Variants in FMNL2 observed in about 807,000 individuals in gnomAD.
FMNL2 encodes the protein formin-like protein 2.
In FMNL2, 51 loss-of-function variants were observed where a neutral mutation model predicts 130.2. The ratio of observed to expected loss-of-function variants is 0.39; its 90% CI spans 0.31 to 0.49. The LOEUF (loss-of-function observed/expected upper bound fraction) is 0.49, where lower values mean the gene tolerates loss of function less well. FMNL2 is among the 20% of genes least tolerant of loss of function. The pLI is 0.85. For missense variants in FMNL2, 977 were observed against 1,316.2 expected (o/e 0.74, Z 3.99); for synonymous variants, 465 against 467.1 (o/e 1.00, Z 0.06).
At chr2:152,431,301 C>T (rs1579647576) in intron 1 of FMNL2, among the ~76,000 whole-genome samples, 1 of 152,256 alleles carries the variant, frequency 6.6e-6, no homozygotes, top group African/African-American at 2.4e-5. Context: ...GGTGTGAAAA[C>T]TTTGAAAATT....
At chr2:152,500,500 C>T (rs115231171) in intron 1 of FMNL2, among the ~76,000 whole-genome samples, 2,415 of 152,202 alleles carry the variant, frequency 0.016, 72 homozygotes, top group African/African-American at 0.055. Context: ...AGCTGTCAAC[C>T]GCAGCAAATA....
chr2:152,635,914 G>A (rs897974835), intron 21 of FMNL2, among the ~76,000 whole-genome samples: 23 of 152,278 alleles, frequency 1.5e-4, no homozygotes, highest in African/African-American at 5.1e-4. Flanking sequence ...TTGGAAAGTC[G>A]GGGCAGGAGT....
intron 1 of FMNL2, among the ~76,000 whole-genome samples, chr2:152,441,176 A>G (rs564761782): frequency 1.3e-5 from 2 of 152,352 alleles, no homozygotes; most frequent in South Asian, 4.1e-4. Context: ...GACAATTAAG[A>G]GGAAGTTTAC....
chr2:152,375,571 C>T (rs1019011090), intron 1 of FMNL2, among the ~76,000 whole-genome samples: 2 of 152,086 alleles, frequency 1.3e-5, no homozygotes, highest in Non-Finnish European at 2.9e-5. Context: ...CTCATCTATA[C>T]ATATAGTATT....
intron 1 of FMNL2, among the ~76,000 whole-genome samples, chr2:152,421,600 T>G (rs1428434793): frequency 6.6e-6 from 1 of 152,198 alleles, no homozygotes. Context: ...TCATGTGGCT[T>G]TCTCCAAAGC....
intron 4 of FMNL2, among the ~76,000 whole-genome samples, chr2:152,552,290 T>G (rs1406173061): frequency 2.0e-5 from 3 of 152,324 alleles, no homozygotes; most frequent in East Asian, 3.9e-4. Flanking sequence ...ATTATATATC[T>G]CTAAGGATAT....
At chr2:152,640,082 A>G in intron 24 of FMNL2, 26 bp downstream of exon 24, 1 of 1,520,252 alleles carries the variant, frequency 6.6e-7, no homozygotes, top group East Asian at 2.5e-5. Flanking sequence ...CTCATGAGAC[A>G]GGTCCGTGAG....
intron 1 of FMNL2, among the ~76,000 whole-genome samples, chr2:152,468,177 A>T (rs1021157960): frequency 1.3e-5 from 2 of 152,236 alleles, no homozygotes; most frequent in African/African-American, 4.8e-5. Flanking sequence ...TTCTGACTTT[A>T]TTACAGCCCT....
At chr2:152,416,665 A>G (rs1221776571) in intron 1 of FMNL2, among the ~76,000 whole-genome samples, 1 of 152,228 alleles carries the variant, frequency 6.6e-6, no homozygotes, top group Non-Finnish European at 1.5e-5. Flanking sequence ...ACTTCTAGCC[A>G]GGCCAGGCCA....
At chr2:152,520,135 A>C (rs1364843900) in intron 1 of FMNL2, among the ~76,000 whole-genome samples, 2 of 152,124 alleles carry the variant, frequency 1.3e-5, no homozygotes, top group Non-Finnish European at 2.9e-5. Flanking sequence ...GACTTTTTCC[A>C]TTGTAGTTCA....
In FMNL2 at chr2:152,632,093, C is replaced by G. The variant is rs1682211120; in HGVS notation, c.2636C>G (p.Ser879Cys). The G allele has an allele frequency of 1.2e-6, 2 of 1,613,118 alleles. No individual in the cohort carries two copies. ...NVVKEKYHQVSLFYNELHYVE... is the reference protein window; with the variant it reads ...NVVKEKYHQVCLFYNELHYVE... Reference sequence around the variant, plus strand: ...GTGAAAGAAAAATATCACCAAGTGTCCCTGTTTTATAATGAGCTTCATTAT... The same window carrying G: ...GTGAAAGAAAAATATCACCAAGTGTGCCTGTTTTATAATGAGCTTCATTAT... Residue 879 changes from serine (S) to cysteine (C), a missense_variant, in exon 21 of 26, where the codon TCC becomes TGC. Ser to Cys is a moderately radical substitution (Grantham distance 112). Around this residue, in one of 4 missense-constraint regions of FMNL2, gnomAD observed 689 missense variants for 995.9 expected, o/e 0.69. Transcript: ENST00000288670.
At chr2:152,450,902 C>T (rs561853191) in intron 1 of FMNL2, among the ~76,000 whole-genome samples, 4 of 152,306 alleles carry the variant, frequency 2.6e-5, no homozygotes, top group Non-Finnish European at 4.4e-5. Context: ...TTACCCATGG[C>T]GGTGGATTTT....
intron 1 of FMNL2, among the ~76,000 whole-genome samples, chr2:152,387,819 AATT>A (rs1446769834): frequency 9.5e-5 from 12 of 125,848 alleles, no homozygotes; most frequent in African/African-American, 3.8e-4. Flanking sequence ...TTAAAAAAAA[AATT>A]TTTTTTTTTT....
At chr2:152,642,838 C>T (rs1683214273) in intron 25 of FMNL2, among the ~76,000 whole-genome samples, 1 of 152,146 alleles carries the variant, frequency 6.6e-6, no homozygotes, top group Non-Finnish European at 1.5e-5. Context: ...GAAACCCCAT[C>T]TCTACTAAAA....
At chr2:152,387,932 G>A (rs1427276383) in intron 1 of FMNL2, among the ~76,000 whole-genome samples, 1 of 152,042 alleles carries the variant, frequency 6.6e-6, no homozygotes, top group Non-Finnish European at 1.5e-5. Context: ...GGGATTACAG[G>A]TGTGGGCCAC....
At position 152,420,918 on chromosome 2, in the gene FMNL2, G is replaced by A. The variant is rs937492107; in HGVS notation, c.117+85198G>A. On this transcript the variant is annotated intron_variant, in intron 1 of 25. Coordinates refer to ENST00000288670, the MANE Select transcript of FMNL2 (RefSeq NM_052905.4). ...AAAGACTAGGAGTAGGAAGAACTGGGTTTCGGACTCAGATTTGCCTGTTAT... is the reference window on the plus strand; with the variant it reads ...AAAGACTAGGAGTAGGAAGAACTGGATTTCGGACTCAGATTTGCCTGTTAT... 8.5e-5 allele frequency among the ~76,000 whole-genome samples: 13 copies of A among 152,320 alleles called. No individual in the cohort carries two copies. In the South Asian group the frequency reaches 2.3e-3, roughly 27 times the overall value.
chr2:152,589,940 C>CATATATAT (rs771625998), intron 9 of FMNL2, among the ~76,000 whole-genome samples: 12 of 67,002 alleles, frequency 1.8e-4, no homozygotes, highest in East Asian at 7.2e-4. Flanking sequence ...TGGCTTTATA[C>CATATATAT]ATATATATAT....
chr2:152,637,735 C>CT, intron 23 of FMNL2, 61 bp downstream of exon 23: 2 of 1,467,602 alleles, frequency 1.4e-6, no homozygotes, highest in Non-Finnish European at 1.9e-6. Flanking sequence ...TGAGATGTGT[C>CT]TGAGTCCCAA....
chr2:152,583,956 G>A (rs928379739), intron 9 of FMNL2, among the ~76,000 whole-genome samples: 78 of 152,140 alleles, frequency 5.1e-4, no homozygotes, highest in African/African-American at 1.5e-3. Context: ...ACATGCCCCC[G>A]ACAAACTTAG....
Sources: gnomAD v4.1 joint callset for allele counts (sites outside exome capture counted in the v4.1 genomes callset) on GRCh38, gnomAD v4.1.1 for gene constraint, gnomAD v4.1.1 regional missense constraint, MANE v1.5 for transcripts, NCBI Gene and HGNC (gene_info 2026-07-23, HGNC 2026-07-21) for gene names.